CTBS: variants seen among roughly 807,000 people sequenced by gnomAD.
The protein encoded by CTBS is chitobiase, also known as di-N-acetylchitobiase.
Under a neutral mutation model 44.3 loss-of-function variants are expected in CTBS, and 35 were observed. That is an observed-to-expected ratio of 0.79 (90% CI 0.60 to 1.05). The LOEUF is 1.05. CTBS is among the 50% of genes least tolerant of loss of function. The probability of loss-of-function intolerance (pLI) is 0.00; values close to 1 mark genes in which losing one functional copy is unlikely to be tolerated. For missense variants in CTBS, 458 were observed against 475.3 expected (o/e 0.96, Z 0.34); for synonymous variants, 143 against 168.0 (o/e 0.85, Z 1.15).
chr1:84,553,379 A>T lies in CTBS; in HGVS notation c.*1620T>A, dbSNP rs1684333908. 6.1e-6 allele frequency: 1 copy of T among 163,108 alleles called. No homozygotes were observed. The highest frequency in any genetic ancestry group is 2.4e-5 in the African/African-American group (1 of 41,774). The allele number at this position is 163,108 out of a possible 1,614,324, so 10.1% of individuals were successfully genotyped here. On this transcript the variant is annotated 3_prime_UTR_variant, in exon 7 of 7. Transcript: ENST00000370630. ...TGCTAATTTTATAATTTTCATTTTAATAATTTAATAATAAAATTCAATAAT... is the reference window on the plus strand; with the variant it reads ...TGCTAATTTTATAATTTTCATTTTATTAATTTAATAATAAAATTCAATAAT...
intron 3 of CTBS, among the ~76,000 whole-genome samples, chr1:84,566,640 C>CT (rs1303994334): frequency 6.6e-6 from 1 of 152,042 alleles, no homozygotes; most frequent in Non-Finnish European, 1.5e-5. Flanking sequence ...TATTATCTTT[C>CT]TTTTTTGGGG....
chr1:84,574,145 G>A (rs41299545), intron 1 of CTBS, 94 bp downstream of exon 1: 397,555 of 1,533,312 alleles, frequency 0.26, 53,165 homozygotes, highest in South Asian at 0.39. Context: ...GCTGGTTTCG[G>A]CGCCCACGGC....
chr1:84,569,909 C>CA, intron 3 of CTBS, 22 bp downstream of exon 3: 2 of 1,597,732 alleles, frequency 1.3e-6, no homozygotes, highest in East Asian at 2.2e-5. Context: ...ATGAGGTTTC[C>CA]AAAAAATAAA....
intron 3 of CTBS, among the ~76,000 whole-genome samples, chr1:84,569,092 T>TA (rs1051875116): frequency 2.0e-5 from 3 of 152,236 alleles, no homozygotes; most frequent in African/African-American, 7.2e-5. Flanking sequence ...ATAATACTCA[T>TA]AATGCTCTAT....
chr1:84,562,413 A>G (rs1260841649), intron 6 of CTBS, among the ~76,000 whole-genome samples: 3 of 152,220 alleles, frequency 2.0e-5, no homozygotes, highest in Non-Finnish European at 4.4e-5. Context: ...AGGCATACAC[A>G]TGTATATCAA....
chr1:84,566,955 C>T (rs1225704628), intron 3 of CTBS, among the ~76,000 whole-genome samples: 1 of 152,168 alleles, frequency 6.6e-6, no homozygotes, highest in Non-Finnish European at 1.5e-5. Context: ...AATAGTGAGC[C>T]AGCCTTCAAC....
chr1:84,563,858 T>G (rs774613870), intron 4 of CTBS, 26 bp from the exon 5 acceptor site: 1 of 1,592,624 alleles, frequency 6.3e-7, no homozygotes. Context: ...AGAAAAAGCA[T>G]ATTTGTTTCT....
chr1:84,552,789 A>G lies in CTBS; in HGVS notation c.*2210T>C. On this transcript the variant is annotated 3_prime_UTR_variant, in exon 7 of 7. Coordinates refer to ENST00000370630, the MANE Select transcript of CTBS (RefSeq NM_004388.3). ...CTAGTTTTTAGAACAGTTCAATTGTATTGTCCCTATCTACTCATAAACAAG... is the reference window on the plus strand; with the variant it reads ...CTAGTTTTTAGAACAGTTCAATTGTGTTGTCCCTATCTACTCATAAACAAG... 1 of 322,758 alleles carries G rather than the reference A, an allele frequency of 3.1e-6. No individual in the cohort carries two copies. The highest frequency in any genetic ancestry group is 5.7e-6 in the Non-Finnish European group (1 of 176,712). The allele number at this position is 322,758 out of a possible 1,614,324, so 20.0% of individuals were successfully genotyped here.
intron 6 of CTBS, among the ~76,000 whole-genome samples, chr1:84,562,652 T>C (rs1445507194): frequency 6.6e-6 from 1 of 152,250 alleles, no homozygotes; most frequent in African/African-American, 2.4e-5. Flanking sequence ...AACTTTTCTT[T>C]GCCATTTTGG....
chr1:84,569,552 T>G (rs1016772390), intron 3 of CTBS, among the ~76,000 whole-genome samples: 2 of 152,188 alleles, frequency 1.3e-5, no homozygotes, highest in African/African-American at 4.8e-5. Flanking sequence ...TGCAAGTAAT[T>G]CAGAGACTGT....
chr1:84,559,906 G>A (rs559770737), intron 6 of CTBS, among the ~76,000 whole-genome samples: 39 of 151,968 alleles, frequency 2.6e-4, no homozygotes, highest in African/African-American at 8.7e-4. Context: ...CCTACATAGT[G>A]AAACCCCATC....
At position 84,574,324 on chromosome 1, in the gene CTBS, AGC is replaced by A; in HGVS notation, c.90_91del (p.Leu31GlyfsTer16). ...GGTCCCGGCCGCGAGCCGCAGCGCC[AGC>A]AGCGCCAGCAGCGCCAGCAGCGCTA... On this transcript the variant is annotated frameshift_variant, in exon 1 of 7. Coordinates refer to ENST00000370630, the MANE Select transcript of CTBS (RefSeq NM_004388.3). LOFTEE classifies it high-confidence loss of function. The A allele has an allele frequency of 2.5e-6, 2 of 802,728 alleles. No individual in the cohort carries two copies. Among genetic ancestry groups the A allele is most frequent in the Non-Finnish European group, 3.3e-6 (2 of 610,182 alleles). The allele number at this position is 802,728 out of a possible 1,614,324, so 49.7% of individuals were successfully genotyped here. A position where few individuals can be genotyped will look rare whatever the true frequency, so the allele number is the denominator to read the frequency against.
At position 84,570,849 on chromosome 1, in the gene CTBS, A is replaced by T. The variant is rs1484194517; in HGVS notation, c.178-129T>A. 3.8e-6 allele frequency: 3 copies of T among 794,340 alleles called. No homozygotes were observed. The African/African-American group carries it at 5.3e-5, about 14-fold the overall frequency. The allele number at this position is 794,340 out of a possible 1,614,324, so 49.2% of individuals were successfully genotyped here. On this transcript the variant is annotated intron_variant, in intron 1 of 6. Transcript: ENST00000370630. ...CAGTGAGAGTACAAGTGCATAAGAC[A>T]TAGGGGTCCCAAGATAATTGGTGGC...
chr1:84,554,907 C>A lies in CTBS; in HGVS notation c.*92G>T. On this transcript the variant is annotated 3_prime_UTR_variant, in exon 7 of 7. Transcript: ENST00000370630. ...TTCTTTTTTTTTAGTATACGGATAA[C>A]AAAAGTATATAGCAACATAATAAAA... 2.0e-6 allele frequency: 2 copies of A among 989,954 alleles called. No individual in the cohort carries two copies. Among genetic ancestry groups the A allele is most frequent in the South Asian group, 1.6e-5 (1 of 60,798 alleles). The allele number at this position is 989,954 out of a possible 1,614,324, so 61.3% of individuals were successfully genotyped here.
chr1:84,572,439 A>T (rs1004274283), intron 1 of CTBS, among the ~76,000 whole-genome samples: 2 of 131,382 alleles, frequency 1.5e-5, no homozygotes, highest in African/African-American at 5.2e-5. Context: ...GATATCCTTA[A>T]AAAAAAAAAA....
chr1:84,555,188 G>A lies in CTBS; in HGVS notation c.969C>T (p.Gly323=). 3 of 1,612,156 alleles carry A rather than the reference G, an allele frequency of 1.9e-6. No homozygotes were observed. The highest frequency in any genetic ancestry group is 2.5e-6 in the Non-Finnish European group (3 of 1,178,576). ...TATCATACCATACTTGATGAAAGTG[G>A]CCAGCAGGATCCTATATAAATAAAT... ...APYYNYKDPA[G]HFHQVWYDNP... is the part of the protein sequence containing the mutation. Residue 323 remains glycine, a synonymous_variant, in exon 7 of 7, where the codon GGC becomes GGT. Transcript: ENST00000370630.
rs1378633793 is a variant in CTBS, at chr1:84,552,455, C to T, written c.*2544G>A. On this transcript the variant is annotated 3_prime_UTR_variant, in exon 7 of 7. Transcript: ENST00000370630. Reference sequence around the variant, plus strand: ...ATTTGAATCCTGGCTGTACCCACTTCACTTACTAGTTTTTTATCTTGAGCA... The same window carrying T: ...ATTTGAATCCTGGCTGTACCCACTTTACTTACTAGTTTTTTATCTTGAGCA... 2 of 152,112 alleles carry T rather than the reference C, an allele frequency of 1.3e-5. No individual in the cohort carries two copies. The highest frequency in any genetic ancestry group is 2.4e-5 in the African/African-American group (1 of 41,406). 9.4% of individuals were successfully genotyped at this position (152,112 alleles called of 1,614,324 possible).
At chr1:84,556,893 GATTC>G (rs1185966249) in intron 6 of CTBS, among the ~76,000 whole-genome samples, 1 of 152,070 alleles carries the variant, frequency 6.6e-6, no homozygotes, top group Non-Finnish European at 1.5e-5. Context: ...TAATAGTTGT[GATTC>G]ATTATTAAAA....
chr1:84,555,117 C>T lies in CTBS; in HGVS notation c.1040G>A (p.Arg347His), dbSNP rs780281748. 34 of 1,613,560 alleles carry T rather than the reference C, an allele frequency of 2.1e-5. No individual in the cohort carries two copies. The highest frequency in any genetic ancestry group is 5.3e-5 in the African/African-American group (4 of 74,786). ...ATTCCACATGCCAATGCCCCGTAAG[C>T]GATAGTTTTGTATATATGTTGCCTT... ...SLKATYIQNY[R>H]LRGIGMWNAN... Residue 347 changes from arginine to histidine, a missense_variant, in exon 7 of 7, where the codon CGC becomes CAC. By Grantham distance (29) the Arg-to-His change is conservative. Transcript: ENST00000370630.
Sources: allele counts gnomAD v4.1 joint callset (sites outside exome capture counted in the v4.1 genomes callset), GRCh38; gene constraint gnomAD v4.1.1; transcripts MANE v1.5; gene names NCBI Gene and HGNC (gene_info 2026-07-23, HGNC 2026-07-21).